Variants in LHFPL3 observed in about 807,000 individuals in gnomAD.
LHFPL3 encodes the protein LHFPL tetraspan subfamily member 3 protein.
Under a neutral mutation model 19.3 loss-of-function variants are expected in LHFPL3, and 5 were observed. The observed-to-expected ratio is 0.26, with a 90% confidence interval of 0.14 to 0.54. The LOEUF (loss-of-function observed/expected upper bound fraction) is 0.54, where lower values mean the gene tolerates loss of function less well. LHFPL3 is among the 20% of genes least tolerant of loss of function. LHFPL3 has a pLI of 0.94. For missense variants in LHFPL3, 249 were observed against 307.4 expected (o/e 0.81, Z 1.42); for synonymous variants, 133 against 126.2 (o/e 1.05, Z -0.36).
At chr7:104,698,670 C>A (rs1415990866) in intron 1 of LHFPL3, among the ~76,000 whole-genome samples, 1 of 152,128 alleles carries the variant, frequency 6.6e-6, no homozygotes, top group African/African-American at 2.4e-5. Flanking sequence ...ACCAAGGTAT[C>A]TTTTAATAGG....
intron 1 of LHFPL3, among the ~76,000 whole-genome samples, chr7:104,734,426 TC>T (rs1793765903): frequency 6.6e-6 from 1 of 152,220 alleles, no homozygotes; most frequent in Admixed American, 6.5e-5. Flanking sequence ...TTCTTTTTAT[TC>T]TTTTTTCTCT....
chr7:104,730,828 T>G (rs1438270866), intron 1 of LHFPL3, among the ~76,000 whole-genome samples: 1 of 152,230 alleles, frequency 6.6e-6, no homozygotes, highest in South Asian at 2.1e-4. Flanking sequence ...CCCATGCCTA[T>G]GTCCTGAATT....
At chr7:104,744,694 T>A (rs763448782) in intron 2 of LHFPL3, among the ~76,000 whole-genome samples, 4 of 152,148 alleles carry the variant, frequency 2.6e-5, no homozygotes, top group Non-Finnish European at 4.4e-5. Flanking sequence ...AATTGCTAAA[T>A]CTCATGCGCA....
chr7:104,717,638 A>T (rs549848189), intron 1 of LHFPL3, among the ~76,000 whole-genome samples: 4 of 151,912 alleles, frequency 2.6e-5, no homozygotes, highest in South Asian at 2.1e-4. Flanking sequence ...TGACTACTAT[A>T]AAAAAAAGGC....
chr7:104,821,167 C>T (rs1178359733), intron 2 of LHFPL3, among the ~76,000 whole-genome samples: 1 of 152,146 alleles, frequency 6.6e-6, no homozygotes, highest in Admixed American at 6.5e-5. Flanking sequence ...ATAAATGTGA[C>T]AGGAAATGAG....
At chr7:104,468,390 C>T (rs1190235899) in intron 1 of LHFPL3, among the ~76,000 whole-genome samples, 1 of 152,174 alleles carries the variant, frequency 6.6e-6, no homozygotes, top group Non-Finnish European at 1.5e-5. Flanking sequence ...AAGCCAGTGC[C>T]AATAGCCAGT....
chr7:104,698,129 T>C (rs1043377694), intron 1 of LHFPL3, among the ~76,000 whole-genome samples: 2 of 152,200 alleles, frequency 1.3e-5, no homozygotes, highest in Admixed American at 6.5e-5. Context: ...TGGAGCAGCT[T>C]CCCATGAAAG....
rs191595891 is a variant in LHFPL3, at chr7:104,679,692, A to G, written c.446-56983A>G. The stretch of plus-strand genomic sequence containing the variant: ...TCCCCTCTTGGAGTTTTGTTAGACC[A>G]TAATTGTAATTTTGTACCTGACACT... On this transcript the variant is annotated intron_variant, in intron 1 of 2. Coordinates refer to ENST00000424859, the MANE Select transcript of LHFPL3 (RefSeq NM_199000.3). 2.4e-4 allele frequency among the ~76,000 whole-genome samples: 36 copies of G among 152,348 alleles called. 1 individual carries two copies. The highest frequency in any genetic ancestry group is 5.2e-4 in the Admixed American group (8 of 15,308).
intron 2 of LHFPL3, among the ~76,000 whole-genome samples, chr7:104,878,267 C>CTT (rs35713546): frequency 6.5e-4 from 98 of 150,122 alleles, no homozygotes; most frequent in East Asian, 1.6e-3. Context: ...ACAAATATTG[C>CTT]TTTTTTTTTT....
intron 2 of LHFPL3, among the ~76,000 whole-genome samples, chr7:104,864,090 C>T (rs1791668936): frequency 6.6e-6 from 1 of 152,178 alleles, no homozygotes; most frequent in South Asian, 2.1e-4. Context: ...TTGTAAACTT[C>T]AACAAATAAA....
chr7:104,505,392 C>G (rs997432233), intron 1 of LHFPL3, among the ~76,000 whole-genome samples: 19 of 152,140 alleles, frequency 1.2e-4, no homozygotes, highest in Admixed American at 6.5e-5. Flanking sequence ...CAAATGATAA[C>G]TATAAAGTTC....
intron 1 of LHFPL3, among the ~76,000 whole-genome samples, chr7:104,337,163 G>A (rs574744409): frequency 2.6e-5 from 4 of 151,972 alleles, no homozygotes; most frequent in Middle Eastern, 3.4e-3. Context: ...ATTGACAGAA[G>A]GCTCAGTATT....
At chr7:104,782,903 C>T (rs1789841226) in intron 2 of LHFPL3, among the ~76,000 whole-genome samples, 1 of 152,248 alleles carries the variant, frequency 6.6e-6, no homozygotes, top group Non-Finnish European at 1.5e-5. Context: ...TATGCAGCAA[C>T]CCCCATTTCC....
rs542599736 is a variant in LHFPL3, at chr7:104,559,863, C to G, written c.446-176812C>G. Among the ~76,000 whole-genome samples, 75 of 143,392 alleles carry G rather than the reference C, an allele frequency of 5.2e-4. 1 individual carries two copies. Among genetic ancestry groups the G allele is most frequent in the Middle Eastern group, 3.4e-3 (1 of 290 alleles). The allele number at this position is 143,392 out of a possible 152,430, so 94.1% of individuals were successfully genotyped here. A position where few individuals can be genotyped will look rare whatever the true frequency, so the allele number is the denominator to read the frequency against. ...ATTTTGAAATACGTCCCATCAATAC[C>G]TAATTTATTGAGAGTTTTTAGCATG... On this transcript the variant is annotated intron_variant, in intron 1 of 2. Coordinates refer to ENST00000424859, the MANE Select transcript of LHFPL3 (RefSeq NM_199000.3).
chr7:104,794,666 T>C (rs1382517930), intron 2 of LHFPL3, among the ~76,000 whole-genome samples: 2 of 152,234 alleles, frequency 1.3e-5, no homozygotes, highest in Admixed American at 1.3e-4. Flanking sequence ...CAGTTCAGTG[T>C]TTCAAGCAGT....
In LHFPL3 at chr7:104,778,390, C is replaced by T. The variant is rs6970892; in HGVS notation, c.682+41479C>T. 2.8e-3 allele frequency among the ~76,000 whole-genome samples: 431 copies of T among 152,280 alleles called. 4 individuals carry two copies. The highest frequency in any genetic ancestry group is 9.7e-3 in the African/African-American group (401 of 41,546). Reference sequence around the variant, plus strand: ...TGGCTGAGTCACATGGAGTTCAGATCCTGTGCCTAGTGCAGGAACACACCA... The same window carrying T: ...TGGCTGAGTCACATGGAGTTCAGATTCTGTGCCTAGTGCAGGAACACACCA... On this transcript the variant is annotated intron_variant, in intron 2 of 2. Transcript: ENST00000424859.
chr7:104,562,845 T>A (rs2115955452), intron 1 of LHFPL3, among the ~76,000 whole-genome samples: 1 of 151,190 alleles, frequency 6.6e-6, no homozygotes, highest in African/African-American at 2.4e-5. Flanking sequence ...GATGGTGATG[T>A]ACAGATGGGT....
intron 1 of LHFPL3, among the ~76,000 whole-genome samples, chr7:104,442,026 T>A (rs1792234954): frequency 6.6e-6 from 1 of 152,202 alleles, no homozygotes; most frequent in Non-Finnish European, 1.5e-5. Context: ...GTGCAAGGGT[T>A]TCAATTTCTC....
chr7:104,669,525 T>C (rs890620120), intron 1 of LHFPL3: 81 of 1,611,660 alleles, frequency 5.0e-5, no homozygotes, highest in African/African-American at 6.7e-5. Context: ...AGTATGCTGC[T>C]CTCTCTGTTG....
Sources: gnomAD v4.1 joint callset for allele counts (sites outside exome capture counted in the v4.1 genomes callset) on GRCh38, gnomAD v4.1.1 for gene constraint, MANE v1.5 for transcripts, NCBI Gene and HGNC (gene_info 2026-07-23, HGNC 2026-07-21) for gene names.